The following PRKD1 variants were observed in gnomAD, a reference collection of about 807,000 sequenced individuals.
The protein encoded by PRKD1 is protein kinase D1, also known as serine/threonine-protein kinase D1.
PRKD1 carries 63 observed loss-of-function variants against 95.9 expected under a neutral mutation model. The ratio of observed to expected loss-of-function variants is 0.66; its 90% CI spans 0.54 to 0.81. The LOEUF (loss-of-function observed/expected upper bound fraction) is 0.81. Among genes scored for constraint, PRKD1 ranks in the 30% least tolerant of loss-of-function variants. PRKD1 has a pLI of 0.00. For synonymous variants in PRKD1, 425 were observed against 423.1 expected (o/e 1.00, Z -0.05); for missense variants, 1,048 against 1,165.3 (o/e 0.90, Z 1.47).
At chr14:29,624,061 C>T in intron 13 of PRKD1, 91 bp downstream of exon 13, 1 of 882,182 alleles carries the variant, frequency 1.1e-6, no homozygotes, top group Non-Finnish European at 1.7e-6. Context: ...ATATTTATGC[C>T]ACAGGTTTTT....
chr14:29,847,932 G>C (rs778055358), intron 1 of PRKD1, among the ~76,000 whole-genome samples: 1 of 152,042 alleles, frequency 6.6e-6, no homozygotes, highest in Non-Finnish European at 1.5e-5. Context: ...GGTGCAGCAA[G>C]AAGCATAGGA....
chr14:29,915,295 G>GT (rs1162101554), intron 1 of PRKD1, among the ~76,000 whole-genome samples: 2 of 152,100 alleles, frequency 1.3e-5, no homozygotes, highest in Non-Finnish European at 2.9e-5. Flanking sequence ...ATGTCCAGGT[G>GT]GGTAAGGACT....
intron 1 of PRKD1, among the ~76,000 whole-genome samples, chr14:29,802,595 A>T: frequency 6.6e-6 from 1 of 152,230 alleles, no homozygotes; most frequent in East Asian, 1.9e-4. Flanking sequence ...AGAATGGAAG[A>T]TGTAAAGGAG....
At chr14:29,691,629 G>A (rs1884241952) in intron 2 of PRKD1, among the ~76,000 whole-genome samples, 1 of 152,228 alleles carries the variant, frequency 6.6e-6, no homozygotes. Flanking sequence ...AAGTTATTAG[G>A]TTGGTGCAAA....
intron 1 of PRKD1, among the ~76,000 whole-genome samples, chr14:29,881,575 T>C (rs1893513544): frequency 6.6e-6 from 1 of 152,138 alleles, no homozygotes; most frequent in Non-Finnish European, 1.5e-5. Flanking sequence ...TTTGTTTTGT[T>C]TTGCTTCTGG....
At chr14:29,638,960 T>C (rs1880573898) in intron 4 of PRKD1, 56 bp from the exon 5 acceptor site, 8 of 1,322,744 alleles carry the variant, frequency 6.0e-6, no homozygotes, top group Middle Eastern at 2.6e-4. Flanking sequence ...TTGATTTATA[T>C]ATTTATATAT....
At chr14:29,815,206 C>A (rs568521971) in intron 1 of PRKD1, among the ~76,000 whole-genome samples, 1 of 152,274 alleles carries the variant, frequency 6.6e-6, no homozygotes, top group South Asian at 2.1e-4. Flanking sequence ...AAGAATTAAT[C>A]TTGTCATGGC....
At chr14:29,650,051 A>T (rs2139173304) in intron 4 of PRKD1, among the ~76,000 whole-genome samples, 1 of 150,824 alleles carries the variant, frequency 6.6e-6, no homozygotes, top group Non-Finnish European at 1.5e-5. Context: ...GTAGCGAGCC[A>T]CTCTCGCCAC....
intron 1 of PRKD1, among the ~76,000 whole-genome samples, chr14:29,912,891 A>G (rs1894769371): frequency 1.3e-5 from 2 of 152,226 alleles, no homozygotes; most frequent in Admixed American, 1.3e-4. Flanking sequence ...TTTCTGTTTA[A>G]CTACTTGAAT....
At chr14:29,717,671 GTTA>G (rs1204130395) in intron 2 of PRKD1, among the ~76,000 whole-genome samples, 1 of 149,418 alleles carries the variant, frequency 6.7e-6, no homozygotes, top group African/African-American at 2.6e-5. Flanking sequence ...CATCACTATT[GTTA>G]TTATTATTTC....
chr14:29,840,433 C>T (rs1891791710), intron 1 of PRKD1, among the ~76,000 whole-genome samples: 1 of 152,172 alleles, frequency 6.6e-6, no homozygotes, highest in African/African-American at 2.4e-5. Context: ...GAGTTCCAAA[C>T]TTTCCCACAT....
At chr14:29,720,200 ACTTT>A (rs1885817917) in intron 2 of PRKD1, among the ~76,000 whole-genome samples, 1 of 152,168 alleles carries the variant, frequency 6.6e-6, no homozygotes, top group South Asian at 2.1e-4. Context: ...AAGCAATTTT[ACTTT>A]AATTTATGTA....
intron 2 of PRKD1, among the ~76,000 whole-genome samples, chr14:29,681,506 G>A (rs1042830812): frequency 1.3e-5 from 2 of 152,138 alleles, no homozygotes; most frequent in African/African-American, 4.8e-5. Flanking sequence ...TGGGATGAAG[G>A]GAAGAATGAA....
chr14:29,892,922 A>T (rs1483282637), intron 1 of PRKD1, among the ~76,000 whole-genome samples: 1 of 152,240 alleles, frequency 6.6e-6, no homozygotes, highest in East Asian at 1.9e-4. Flanking sequence ...GTTGGAATTG[A>T]AATACCATTA....
At chr14:29,884,586 C>T (rs904256946) in intron 1 of PRKD1, among the ~76,000 whole-genome samples, 3 of 152,138 alleles carry the variant, frequency 2.0e-5, no homozygotes, top group Non-Finnish European at 2.9e-5. Context: ...ATTCAACAAA[C>T]ATCTAACAGA....
chr14:29,636,962 T>C (rs1880424897), intron 6 of PRKD1, among the ~76,000 whole-genome samples: 1 of 152,220 alleles, frequency 6.6e-6, no homozygotes. Flanking sequence ...TCAGTTTATA[T>C]GCATCTGAGT....
At chr14:29,584,746 G>A (rs1321874808) in intron 16 of PRKD1, among the ~76,000 whole-genome samples, 2 of 151,974 alleles carry the variant, frequency 1.3e-5, no homozygotes, top group Non-Finnish European at 2.9e-5. Flanking sequence ...TGGATGGTAG[G>A]GCATCACAAC....
chr14:29,901,196 A>G (rs1277976149), intron 1 of PRKD1, among the ~76,000 whole-genome samples: 1 of 152,192 alleles, frequency 6.6e-6, no homozygotes, highest in Non-Finnish European at 1.5e-5. Flanking sequence ...AGCAACATGG[A>G]TGGAGTTAGA....
At chr14:29,721,676 A>AG (rs1267674514) in intron 2 of PRKD1, among the ~76,000 whole-genome samples, 1 of 144,466 alleles carries the variant, frequency 6.9e-6, no homozygotes, top group Non-Finnish European at 1.5e-5. Context: ...TCACTCTGGT[A>AG]AAAAAAAAAA....
Sources: gnomAD v4.1 joint callset for allele counts (sites outside exome capture counted in the v4.1 genomes callset) on GRCh38, gnomAD v4.1.1 for gene constraint, MANE v1.5 for transcripts, NCBI Gene and HGNC (gene_info 2026-07-23, HGNC 2026-07-21) for gene names.